RBM45: variants seen among roughly 807,000 people sequenced by gnomAD.
RBM45 encodes the protein RNA binding motif protein 45, also known as RNA-binding protein 45.
In RBM45, 39 loss-of-function variants were observed where a neutral mutation model predicts 58.5. The ratio of observed to expected loss-of-function variants is 0.67; its 90% CI spans 0.52 to 0.87. The LOEUF is 0.87. RBM45 is among the 40% of genes least tolerant of loss of function. The pLI is 0.00. For missense variants in RBM45, 481 were observed against 581.6 expected, an observed-to-expected ratio of 0.83 and a Z score of 1.78; for synonymous variants, 193 against 203.0, an observed-to-expected ratio of 0.95 and a Z score of 0.42.
At chr2:178,120,912 C>T in intron 4 of RBM45, 1 of 281,682 alleles carries the variant, frequency 3.6e-6, no homozygotes, top group Non-Finnish European at 6.5e-6. Context: ...AAATACTTAC[C>T]ATATTTTTCA....
At chr2:178,113,806 T>C (rs1417917512) in intron 1 of RBM45, among the ~76,000 whole-genome samples, 1 of 152,252 alleles carries the variant, frequency 6.6e-6, no homozygotes, top group Non-Finnish European at 1.5e-5. Context: ...AGTTGCTGTG[T>C]ATGTTATTCT....
chr2:178,116,652 A>T (rs1001158687), intron 2 of RBM45, among the ~76,000 whole-genome samples: 1 of 152,258 alleles, frequency 6.6e-6, no homozygotes, highest in Non-Finnish European at 1.5e-5. Context: ...GAAATGAAGC[A>T]TAAAGCTCAG....
chr2:178,127,435 G>A (rs955479242), intron 9 of RBM45, among the ~76,000 whole-genome samples: 1 of 152,166 alleles, frequency 6.6e-6, no homozygotes, highest in South Asian at 2.1e-4. Context: ...GCACGTATGA[G>A]AATGATTCCT....
chr2:178,117,005 A>C (rs1028328157), intron 2 of RBM45, among the ~76,000 whole-genome samples: 14 of 152,176 alleles, frequency 9.2e-5, no homozygotes, highest in African/African-American at 3.4e-4. Flanking sequence ...TTTGAGGATA[A>C]TTTTATGTCT....
At chr2:178,123,437 G>C in intron 5 of RBM45, 85 bp from the exon 6 acceptor site, 3 of 1,382,024 alleles carry the variant, frequency 2.2e-6, no homozygotes, top group Non-Finnish European at 2.9e-6. Flanking sequence ...GTTCTACATG[G>C]TTTCATTTTT....
At chr2:178,127,009 TC>T (rs2087939229) in intron 9 of RBM45, among the ~76,000 whole-genome samples, 1 of 152,126 alleles carries the variant, frequency 6.6e-6, no homozygotes, top group Admixed American at 6.5e-5. Context: ...AGATCTCGAT[TC>T]ACTGCAACCT....
At chr2:178,135,387 A>G (rs1359928246) in intron 3 of RBM45, among the ~76,000 whole-genome samples, 2 of 152,212 alleles carry the variant, frequency 1.3e-5, no homozygotes, top group African/African-American at 4.8e-5. Flanking sequence ...ATTAGGTACC[A>G]TCTTGGCTTG....
intron 9 of RBM45, among the ~76,000 whole-genome samples, chr2:178,127,973 G>A (rs911491899): frequency 7.0e-6 from 1 of 142,006 alleles, no homozygotes; most frequent in Admixed American, 7.1e-5. Flanking sequence ...ATTTAACTGT[G>A]ACTGGGCTGG....
chr2:178,112,534 CG>C lies in RBM45; in HGVS notation c.-10del, dbSNP rs773360801. ...CAAAGAGCAGTGAGGCTCCTGCATT[CG>C]GGTGGAGCACCATGGACGAAGCTGG... On this transcript the variant is annotated 5_prime_UTR_variant, in exon 1 of 10. Transcript: ENST00000286070. 4 of 1,606,978 alleles carry C rather than the reference CG, an allele frequency of 2.5e-6. No homozygotes were observed. In the African/African-American group the frequency reaches 5.4e-5, roughly 21 times the overall value.
chr2:178,138,864 G>T (rs1428228498), exon 4 of RBM45: 3 of 151,916 alleles, frequency 2.0e-5, no homozygotes, highest in East Asian at 1.9e-4. Context: ...TTATTTTTTG[G>T]GGGGGATGGA....
chr2:178,135,731 C>A (rs1460078746), intron 3 of RBM45, among the ~76,000 whole-genome samples: 1 of 152,128 alleles, frequency 6.6e-6, no homozygotes, highest in Non-Finnish European at 1.5e-5. Context: ...ATATGTGGTA[C>A]CCACATGGCC....
At chr2:178,113,611 GTTAT>G (rs2087733328) in intron 1 of RBM45, among the ~76,000 whole-genome samples, 1 of 152,128 alleles carries the variant, frequency 6.6e-6, no homozygotes, top group African/African-American at 2.4e-5. Context: ...CATTTTGAGG[GTTAT>G]TTGACATAAT....
At chr2:178,133,381 A>G (rs2088020304), downstream of RBM45, among the ~76,000 whole-genome samples, 1 of 152,174 alleles carries the variant, frequency 6.6e-6, no homozygotes, top group Non-Finnish European at 1.5e-5. Flanking sequence ...TGGGGTTCTG[A>G]AGAAGTACGT....
At position 178,112,498 on chromosome 2, in the gene RBM45, C is replaced by T; in HGVS notation, c.-49C>T. The T allele has an allele frequency of 6.5e-7, 1 of 1,534,212 alleles. No homozygotes were observed. Among genetic ancestry groups the T allele is most frequent in the South Asian group, 1.2e-5 (1 of 84,146 alleles). ...GGTGTGAGACAGCAGCGGTGGCAGA[C>T]ACCGCAGAAGCAAAGAGCAGTGAGG... On this transcript the variant is annotated 5_prime_UTR_variant, in exon 1 of 10. Coordinates refer to ENST00000286070, the MANE Select transcript of RBM45 (RefSeq NM_152945.4).
intron 3 of RBM45, among the ~76,000 whole-genome samples, chr2:178,119,916 A>G (rs993802474): frequency 7.9e-5 from 12 of 152,202 alleles, no homozygotes; most frequent in African/African-American, 2.9e-4. Flanking sequence ...GCATATTCCA[A>G]TTGTGTGCAT....
At chr2:178,138,370 T>A (rs540339591) in exon 4 of RBM45, 1 of 152,176 alleles carries the variant, frequency 6.6e-6, no homozygotes, top group Non-Finnish European at 1.5e-5. Context: ...AAAGGCTGAT[T>A]ACAGAGATTT....
chr2:178,134,015 A>T (rs748072782), downstream of RBM45: 6 of 152,212 alleles, frequency 3.9e-5, no homozygotes, highest in Non-Finnish European at 7.4e-5. Flanking sequence ...TCTTGTCCTT[A>T]GTAGAAAATG....
intron 1 of RBM45, among the ~76,000 whole-genome samples, chr2:178,114,581 T>C (rs959448817): frequency 5.9e-5 from 9 of 152,168 alleles, no homozygotes; most frequent in African/African-American, 2.2e-4. Context: ...CTAGACAGTC[T>C]AGTTTCTGTT....
At chr2:178,116,470 T>C (rs1200762356) in intron 2 of RBM45, 86 bp downstream of exon 2, 1 of 1,192,938 alleles carries the variant, frequency 8.4e-7, no homozygotes, top group African/African-American at 1.6e-5. Context: ...GTTGTTGGAA[T>C]AAGGTCAATA....
Sources: allele counts gnomAD v4.1 joint callset (sites outside exome capture counted in the v4.1 genomes callset), GRCh38; gene constraint gnomAD v4.1.1; transcripts MANE v1.5; gene names NCBI Gene and HGNC (gene_info 2026-07-23, HGNC 2026-07-21).